Variants in E2F5 observed in about 807,000 individuals in gnomAD.
The protein encoded by E2F5 is transcription factor E2F5.
E2F5 carries 23 observed loss-of-function variants against 39.1 expected under a neutral mutation model. The observed-to-expected ratio is 0.59, with a 90% CI of 0.42 to 0.83. E2F5 has a LOEUF of 0.83. Among genes scored for constraint, E2F5 ranks in the 40% least tolerant of loss-of-function variants. The pLI is 0.00. For missense variants in E2F5, 365 were observed against 406.7 expected, an observed-to-expected ratio of 0.90 and a Z score of 0.88; for synonymous variants, 145 against 157.8, an observed-to-expected ratio of 0.92 and a Z score of 0.61.
intron 1 of E2F5, among the ~76,000 whole-genome samples, chr8:85,188,177 G>A (rs1238532633): frequency 2.6e-5 from 4 of 152,018 alleles, no homozygotes; most frequent in Non-Finnish European, 5.9e-5. Context: ...TAATAGTTTT[G>A]TCTTTTAACT....
chr8:85,189,429 G>A (rs910665107), intron 1 of E2F5, among the ~76,000 whole-genome samples: 5 of 152,106 alleles, frequency 3.3e-5, no homozygotes, highest in African/African-American at 1.2e-4. Context: ...GAATGCAGTG[G>A]TGAGATCTTG....
At chr8:85,206,396 GC>G (rs1234023609) in intron 4 of E2F5, among the ~76,000 whole-genome samples, 176 bp downstream of exon 4, 1 of 152,180 alleles carries the variant, frequency 6.6e-6, no homozygotes, top group Non-Finnish European at 1.5e-5. Flanking sequence ...CATGAGAATA[GC>G]TGCTTTTCAC....
At chr8:85,187,278 T>C (rs1195318780) in intron 1 of E2F5, among the ~76,000 whole-genome samples, 3 of 152,148 alleles carry the variant, frequency 2.0e-5, no homozygotes, top group African/African-American at 4.8e-5. Flanking sequence ...GCGTGTGTAT[T>C]CTTCTACTGT....
At chr8:85,183,723 A>G (rs1812270511) in intron 1 of E2F5, among the ~76,000 whole-genome samples, 1 of 152,198 alleles carries the variant, frequency 6.6e-6, no homozygotes, top group South Asian at 2.1e-4. Flanking sequence ...AGAAAGTAGA[A>G]GGGTGGTTAC....
intron 1 of E2F5, among the ~76,000 whole-genome samples, chr8:85,190,497 CTTTTT>C (rs34804570): frequency 2.8e-5 from 2 of 70,304 alleles, no homozygotes; most frequent in Non-Finnish European, 4.9e-5. Context: ...GAGATTTTTC[CTTTTT>C]TTTTTTTTTT....
In E2F5 at chr8:85,209,322, A is replaced by G. The variant is rs750767732; in HGVS notation, c.796A>G (p.Ser266Gly). The G allele has an allele frequency of 6.2e-7, 1 of 1,614,032 alleles. No homozygotes were observed. The highest frequency in any genetic ancestry group is 8.5e-7 in the Non-Finnish European group (1 of 1,179,890). The change falls in exon 6 of 8, where the codon AGC becomes GGC. Residue 266 changes from serine to glycine, a missense_variant. By Grantham distance (56) the Ser-to-Gly change is moderately conservative (BLOSUM62 0). Coordinates refer to ENST00000416274, the MANE Select transcript of E2F5 (RefSeq NM_001951.4). ...GACTCCAGTGACTCCACAGAAATCC[A>G]GCATGGCAACTCAAAATCTGCCTGA... The part of the protein sequence containing the change: ...SLTPVTPQKS[S>G]MATQNLPEQH...
In E2F5 at chr8:85,179,826, A is replaced by AT. The variant is rs567498501; in HGVS notation, c.234+2179dup. On this transcript the variant is annotated intron_variant, in intron 1 of 7. Transcript: ENST00000416274. Reference sequence around the variant, plus strand: ...AGGCGCCCGCCAGCGCACCCAGCTAATTTTTTTGTAATTTTAGTAGAGACA... The same window carrying AT: ...AGGCGCCCGCCAGCGCACCCAGCTAATTTTTTTTGTAATTTTAGTAGAGACA... Among the ~76,000 whole-genome samples the AT allele has an allele frequency of 9.2e-5, 14 of 151,684 alleles. No homozygotes were observed. The East Asian group carries it at 2.3e-3, about 25-fold the overall frequency.
In E2F5 at chr8:85,209,253, G is replaced by C; in HGVS notation, c.727G>C (p.Val243Leu). 6.2e-7 allele frequency: 1 copy of C among 1,613,896 alleles called. No individual in the cohort carries two copies. The highest frequency in any genetic ancestry group is 1.6e-4 in the Middle Eastern group (1 of 6,062). Residue 243 changes from valine (V) to leucine (L), a missense_variant, in exon 6 of 8, where the codon GTT becomes CTT. By Grantham distance (32) the Val-to-Leu change is conservative. Coordinates refer to ENST00000416274, the MANE Select transcript of E2F5 (RefSeq NM_001951.4). ...TTCATCTAAGCCCGTGGTTTTTCCT[G>C]TTCCCCCACCTGATGACCTCACACA... is the stretch of plus-strand genomic sequence containing the variant. ...SSSSKPVVFP[V>L]PPPDDLTQPS... is the part of the protein sequence containing the mutation.
intron 1 of E2F5, among the ~76,000 whole-genome samples, chr8:85,191,070 G>T (rs1812452473): frequency 6.6e-6 from 1 of 151,930 alleles, no homozygotes; most frequent in Non-Finnish European, 1.5e-5. Flanking sequence ...GATCCATTTT[G>T]GACTTCTGAT....
At chr8:85,192,176 A>T (rs1266830865) in intron 1 of E2F5, among the ~76,000 whole-genome samples, 1 of 152,152 alleles carries the variant, frequency 6.6e-6, no homozygotes, top group South Asian at 2.1e-4. Flanking sequence ...ATTATCAATG[A>T]CTGCCATATT....
At chr8:85,199,543 AGTGGTGGTG>A (rs3069354) in intron 1 of E2F5, among the ~76,000 whole-genome samples, 96,229 of 151,190 alleles carry the variant, frequency 0.64, 31,290 homozygotes, top group Non-Finnish European at 0.69. Flanking sequence ...TAGTGGTGAT[AGTGGTGGTG>A]GTGGTGGTGG....
intron 2 of E2F5, among the ~76,000 whole-genome samples, chr8:85,202,555 C>T (rs2129722454): frequency 6.6e-6 from 1 of 152,300 alleles, no homozygotes; most frequent in South Asian, 2.1e-4. Flanking sequence ...TTTACCTGTC[C>T]TTGAGAGCAA....
At position 85,213,808 on chromosome 8, in the gene E2F5, AGAT is replaced by A. The variant is rs771533974; in HGVS notation, c.991_993del (p.Asp331del). On this transcript the variant is annotated inframe_deletion, in exon 8 of 8. Coordinates refer to ENST00000416274, the MANE Select transcript of E2F5 (RefSeq NM_001951.4). ...CGGCAGATGACTACAACTTTAATTT[AGAT>A]GATAACGAAGGAGTTTGTGATCTGT... 31 of 1,613,452 alleles carry A rather than the reference AGAT, an allele frequency of 1.9e-5. No homozygotes were observed. The Middle Eastern group carries it at 6.6e-4, about 35-fold the overall frequency.
intron 1 of E2F5, among the ~76,000 whole-genome samples, chr8:85,181,974 C>A (rs1460597442): frequency 6.8e-6 from 1 of 146,746 alleles, no homozygotes; most frequent in Non-Finnish European, 1.5e-5. Context: ...AAAAAAAAAA[C>A]ATGGCTCAAC....
chr8:85,188,360 A>G (rs1361096913), intron 1 of E2F5, among the ~76,000 whole-genome samples: 1 of 103,046 alleles, frequency 9.7e-6, no homozygotes, highest in Admixed American at 1.1e-4. Flanking sequence ...TCCCTTTACC[A>G]TTTTTTGTAA....
intron 1 of E2F5, among the ~76,000 whole-genome samples, chr8:85,183,968 A>G (rs1396067746): frequency 2.6e-5 from 4 of 152,200 alleles, no homozygotes; most frequent in South Asian, 2.1e-4. Context: ...GATGCCTCAG[A>G]TGCTGCCACC....
At chr8:85,186,132 G>A (rs910341734) in intron 1 of E2F5, among the ~76,000 whole-genome samples, 29 of 152,086 alleles carry the variant, frequency 1.9e-4, no homozygotes, top group African/African-American at 6.8e-4. Context: ...ATGGTAGACT[G>A]GATAAAGAAA....
intron 6 of E2F5, among the ~76,000 whole-genome samples, chr8:85,211,148 G>A (rs961775563): frequency 6.6e-6 from 1 of 150,980 alleles, no homozygotes; most frequent in Non-Finnish European, 1.5e-5. Context: ...CACTTTGGGA[G>A]GCCGAGGCAG....
At chr8:85,209,071 TTATTG>T in intron 5 of E2F5, 66 bp from the exon 6 acceptor site, 7 of 1,488,966 alleles carry the variant, frequency 4.7e-6, no homozygotes, top group Non-Finnish European at 5.5e-6. Flanking sequence ...TTTGCCTGTC[TTATTG>T]TACTGTCTTA....
Sources: allele counts gnomAD v4.1 joint callset (sites outside exome capture counted in the v4.1 genomes callset), GRCh38; gene constraint gnomAD v4.1.1; transcripts MANE v1.5; gene names NCBI Gene and HGNC (gene_info 2026-07-23, HGNC 2026-07-21).